The following GOT2 variants were observed in gnomAD, a reference collection of about 807,000 sequenced individuals.
The protein encoded by GOT2 is aspartate aminotransferase, mitochondrial.
GOT2 carries 17 observed loss-of-function variants against 50.0 expected under a neutral mutation model. That is an observed-to-expected ratio of 0.34 (90% CI 0.23 to 0.51). The LOEUF is 0.51. Ranked by LOEUF, GOT2 falls within the 20% of genes least tolerant of loss-of-function variation. The pLI is 0.97. For synonymous variants in GOT2, 172 were observed against 204.9 expected, an observed-to-expected ratio of 0.84 and a Z score of 1.37; for missense variants, 430 against 559.6, an observed-to-expected ratio of 0.77 and a Z score of 2.34.
In GOT2 at chr16:58,718,473, T is replaced by G. The variant is rs563092300; in HGVS notation, c.597+54A>C. On this transcript the variant is annotated intron_variant, in intron 5 of 9. Transcript: ENST00000245206. ...TTGGGACATGGTGGGAGACATCAAA[T>G]GTCCGCAAGCAAGGAGTTTTATTCA... 3.3e-5 allele frequency: 49 copies of G among 1,497,578 alleles called. 2 individuals carry two copies. The South Asian group carries it at 4.2e-4, about 13-fold the overall frequency. 92.8% of individuals were successfully genotyped at this position (1,497,578 alleles called of 1,614,324 possible).
At chr16:58,723,983 T>G in intron 1 of GOT2, 81 bp from the exon 2 acceptor site, 5 of 1,272,682 alleles carry the variant, frequency 3.9e-6, no homozygotes, top group South Asian at 1.4e-5. Context: ...AGATAGACTC[T>G]TGCTCTGTTG....
intron 9 of GOT2, 121 bp downstream of exon 9, chr16:58,709,296 A>G: frequency 1.1e-6 from 1 of 902,162 alleles, no homozygotes; most frequent in East Asian, 2.7e-5. Context: ...AACAAAACAA[A>G]ACAAAACAAA....
intron 1 of GOT2, among the ~76,000 whole-genome samples, chr16:58,724,788 G>A (rs991884897): frequency 1.2e-4 from 18 of 152,216 alleles, no homozygotes; most frequent in Non-Finnish European, 2.4e-4. Context: ...TGATCTGCTC[G>A]CCTTGGCCTC....
chr16:58,730,341 TACCCTC>T (rs1383946308), intron 1 of GOT2, among the ~76,000 whole-genome samples: 1 of 152,120 alleles, frequency 6.6e-6, no homozygotes, highest in Non-Finnish European at 1.5e-5. Context: ...TCCCATTCTC[TACCCTC>T]AGGTAGGCTC....
In GOT2 at chr16:58,708,299, G is replaced by C. The variant is rs755434079; in HGVS notation, c.1171-6C>G. On this transcript the variant is annotated splice_polypyrimidine_tract_variant and splice_region_variant and intron_variant, in intron 9 of 9. Transcript: ENST00000245206. Reference sequence around the variant, plus strand: ...TCCTTGATCAGCCGCTCCACCTGCAGAGAGGAAAGAACTTGGGTACCTCTT... The same window carrying C: ...TCCTTGATCAGCCGCTCCACCTGCACAGAGGAAAGAACTTGGGTACCTCTT... The C allele has an allele frequency of 3.1e-6, 5 of 1,613,340 alleles. No individual in the cohort carries two copies.
rs1441222344 is a variant in GOT2, at chr16:58,719,206, G to C, written c.425C>G (p.Ala142Gly). The C allele has an allele frequency of 6.2e-7, 1 of 1,612,342 alleles. No individual in the cohort carries two copies. Among genetic ancestry groups the C allele is most frequent in the Admixed American group, 1.7e-5 (1 of 59,976 alleles). The change falls in exon 4 of 10, where the codon GCC becomes GGC. Residue 142 changes from alanine (A) to glycine (G), a missense_variant. Physicochemically the swap from Ala to Gly is moderately conservative, Grantham distance 60. Coordinates refer to ENST00000245206, the MANE Select transcript of GOT2 (RefSeq NM_002080.4). ...ISGTGALRIG[A>G]SFLQRFFKFS... is the part of the protein sequence containing the mutation. ...AGCTTCCAGACTCACCAGAAAACTG[G>C]CTCCGATCCTTAAGGCTCCAGTTCC...
At chr16:58,715,832 G>A (rs542384410) in intron 8 of GOT2, among the ~76,000 whole-genome samples, 182 bp downstream of exon 8, 2 of 152,288 alleles carry the variant, frequency 1.3e-5, no homozygotes, top group South Asian at 4.1e-4. Flanking sequence ...GATTACAGGC[G>A]TGAGCCACTG....
intron 2 of GOT2, among the ~76,000 whole-genome samples, 160 bp downstream of exon 2, chr16:58,723,586 C>T (rs1386758254): frequency 2.6e-5 from 4 of 152,154 alleles, no homozygotes; most frequent in African/African-American, 9.7e-5. Context: ...CCTTTACAGT[C>T]AAGGAGACTA....
chr16:58,732,321 G>T (rs1358996133), intron 1 of GOT2, among the ~76,000 whole-genome samples: 1 of 152,044 alleles, frequency 6.6e-6, no homozygotes, highest in Non-Finnish European at 1.5e-5. Context: ...AAAAAAAAAG[G>T]GAATTTTTTT....
chr16:58,733,577 G>C (rs371073733), intron 1 of GOT2, among the ~76,000 whole-genome samples: 5 of 152,244 alleles, frequency 3.3e-5, no homozygotes, highest in African/African-American at 1.2e-4. Flanking sequence ...TCGGGGGGTC[G>C]CAAGGTCAGG....
Position 58,709,234 on chromosome 16 carries a change from G to A in GOT2, c.1170+183C>T, listed in dbSNP as rs1387472842. 7.2e-6 allele frequency: 4 copies of A among 554,004 alleles called. No homozygotes were observed. In the East Asian group the frequency reaches 9.4e-5, roughly 13 times the overall value. The allele number at this position is 554,004 out of a possible 1,614,324, so 34.3% of individuals were successfully genotyped here. A position where few individuals can be genotyped will look rare whatever the true frequency, so the allele number is the denominator to read the frequency against. ...GCTGAGATTGCACCACTGCACTCCA[G>A]CCTGGGTTTCAGAGCGAGACTGTCT... is the stretch of plus-strand genomic sequence containing the variant. On this transcript the variant is annotated intron_variant, in intron 9 of 9. Transcript: ENST00000245206.
At chr16:58,714,648 G>GTGGA (rs1356739870) in intron 8 of GOT2, among the ~76,000 whole-genome samples, 1 of 151,962 alleles carries the variant, frequency 6.6e-6, no homozygotes, top group Non-Finnish European at 1.5e-5. Context: ...AGCCTAGGAG[G>GTGGA]TGGAGGTTGC....
At chr16:58,712,522 GAACAAC>G (rs10676089) in intron 8 of GOT2, among the ~76,000 whole-genome samples, 15 of 150,770 alleles carry the variant, frequency 9.9e-5, no homozygotes, top group East Asian at 7.9e-4. Flanking sequence ...ACAACAACAA[GAACAAC>G]AACAACAACA....
chr16:58,710,105 G>A lies in GOT2; in HGVS notation c.1020-538C>T, dbSNP rs145146385. Among the ~76,000 whole-genome samples, 16 of 152,214 alleles carry A rather than the reference G, an allele frequency of 1.1e-4. No homozygotes were observed. In the East Asian group the frequency reaches 2.3e-3, roughly 22 times the overall value. Reference sequence around the variant, plus strand: ...TAGAGATGGGGTTTTGCCATGTTGCGCGGTTTGGTTACAAACTCCAAGGTT... The same window carrying A: ...TAGAGATGGGGTTTTGCCATGTTGCACGGTTTGGTTACAAACTCCAAGGTT... On this transcript the variant is annotated intron_variant, in intron 8 of 9. Coordinates refer to ENST00000245206, the MANE Select transcript of GOT2 (RefSeq NM_002080.4).
chr16:58,715,011 T>C (rs7184964), intron 8 of GOT2, among the ~76,000 whole-genome samples: 4,636 of 151,082 alleles, frequency 0.031, 109 homozygotes, highest in Middle Eastern at 0.099. Context: ...TTAGTAACAC[T>C]AATTCAGAGA....
intron 3 of GOT2, 53 bp from the exon 4 acceptor site, chr16:58,719,308 C>T (rs1195973725): frequency 1.6e-6 from 2 of 1,273,288 alleles, no homozygotes; most frequent in African/African-American, 2.9e-5. Context: ...TATACAGGCC[C>T]AGACCCAGGG....
intron 1 of GOT2, among the ~76,000 whole-genome samples, chr16:58,730,335 A>T (rs139069936): frequency 6.6e-6 from 1 of 152,078 alleles, no homozygotes. Context: ...CCCTCTTCCC[A>T]TTCTCTACCC....
At chr16:58,731,244 G>A (rs764561808) in intron 1 of GOT2, among the ~76,000 whole-genome samples, 2 of 151,896 alleles carry the variant, frequency 1.3e-5, no homozygotes, top group Non-Finnish European at 2.9e-5. Context: ...GATCAGGCTC[G>A]AGCGACCCTC....
chr16:58,710,268 A>C (rs2044635463), intron 8 of GOT2, among the ~76,000 whole-genome samples: 1 of 151,842 alleles, frequency 6.6e-6, no homozygotes, highest in Non-Finnish European at 1.5e-5. Flanking sequence ...CCCAGGCTGG[A>C]TAGTACAATG....
Sources: gnomAD v4.1 joint callset for allele counts (sites outside exome capture counted in the v4.1 genomes callset) on GRCh38, gnomAD v4.1.1 for gene constraint, MANE v1.5 for transcripts, NCBI Gene and HGNC (gene_info 2026-07-23, HGNC 2026-07-21) for gene names.